The following CADPS2 variants were observed in gnomAD, a reference collection of about 807,000 sequenced individuals.
CADPS2 encodes calcium-dependent secretion activator 2.
CADPS2 carries 93 observed loss-of-function variants against 172.5 expected under a neutral mutation model. The observed-to-expected ratio is 0.54, with a 90% CI of 0.46 to 0.64. The LOEUF (loss-of-function observed/expected upper bound fraction) is 0.64, where lower values mean the gene tolerates loss of function less well. Among genes scored for constraint, CADPS2 ranks in the 30% least tolerant of loss-of-function variants. The probability of loss-of-function intolerance (pLI) is 0.00; values close to 1 mark genes in which losing one functional copy is unlikely to be tolerated. For synonymous variants in CADPS2, 546 were observed against 555.2 expected, an observed-to-expected ratio of 0.98 and a Z score of 0.23; for missense variants, 1,420 against 1,565.9, an observed-to-expected ratio of 0.91 and a Z score of 1.57.
intron 3 of CADPS2, among the ~76,000 whole-genome samples, chr7:122,662,969 T>G (rs2080774414): frequency 6.6e-6 from 1 of 152,190 alleles, no homozygotes; most frequent in South Asian, 2.1e-4. Flanking sequence ...CATTAATACC[T>G]AATAGGCACA....
At chr7:122,630,334 A>T (rs1160497812) in intron 3 of CADPS2, among the ~76,000 whole-genome samples, 1 of 152,100 alleles carries the variant, frequency 6.6e-6, no homozygotes, top group Non-Finnish European at 1.5e-5. Context: ...GAAGCAAACC[A>T]GATTAACAGG....
At chr7:122,692,671 G>T (rs1028143450) in intron 2 of CADPS2, among the ~76,000 whole-genome samples, 2 of 152,228 alleles carry the variant, frequency 1.3e-5, no homozygotes, top group African/African-American at 4.8e-5. Flanking sequence ...CCAACTGTCA[G>T]GTTCATGAGT....
intron 28 of CADPS2, among the ~76,000 whole-genome samples, chr7:122,337,747 C>T (rs935394008): frequency 2.3e-5 from 2 of 87,444 alleles, no homozygotes; most frequent in African/African-American, 8.3e-5. Context: ...TAAAGAGAAA[C>T]AAACTTTAAG....
At chr7:122,758,476 A>G (rs2093256790) in intron 1 of CADPS2, among the ~76,000 whole-genome samples, 1 of 152,210 alleles carries the variant, frequency 6.6e-6, no homozygotes, top group Non-Finnish European at 1.5e-5. Context: ...AAGGCCTCTT[A>G]TATTTGATGT....
At chr7:122,631,722 G>T (rs956989322) in intron 3 of CADPS2, among the ~76,000 whole-genome samples, 1 of 151,892 alleles carries the variant, frequency 6.6e-6, no homozygotes, top group African/African-American at 2.4e-5. Context: ...GATTTGGAGG[G>T]GGTACAGTGT....
At chr7:122,412,232 T>G (rs184357254) in intron 19 of CADPS2, among the ~76,000 whole-genome samples, 1 of 152,306 alleles carries the variant, frequency 6.6e-6, no homozygotes, top group Admixed American at 6.5e-5. Flanking sequence ...ATATCAACAA[T>G]GTGTAATTGA....
chr7:122,843,888 A>G (rs1185072430), intron 1 of CADPS2, among the ~76,000 whole-genome samples: 1 of 152,252 alleles, frequency 6.6e-6, no homozygotes, highest in African/African-American at 2.4e-5. Context: ...GGTGAGGACC[A>G]GCATGCTTAG....
At chr7:122,597,675 G>A (rs181013587) in intron 6 of CADPS2, among the ~76,000 whole-genome samples, 21 of 152,098 alleles carry the variant, frequency 1.4e-4, no homozygotes, top group Non-Finnish European at 3.1e-4. Flanking sequence ...CCATTTGTAC[G>A]TATTTTAAAA....
intron 1 of CADPS2, among the ~76,000 whole-genome samples, chr7:122,817,063 T>C (rs1412552043): frequency 6.6e-6 from 1 of 150,840 alleles, no homozygotes; most frequent in African/African-American, 2.5e-5. Flanking sequence ...CCCACCCATA[T>C]CTCCCTTCGC....
intron 5 of CADPS2, among the ~76,000 whole-genome samples, chr7:122,617,511 A>G (rs1411217758): frequency 6.6e-6 from 1 of 152,196 alleles, no homozygotes; most frequent in East Asian, 1.9e-4. Context: ...CTGATGTCAT[A>G]AGCATAAAAT....
At position 122,320,107 on chromosome 7, in the gene CADPS2, A is replaced by G. The variant is rs2032081207; in HGVS notation, c.*58T>C. 7.2e-7 allele frequency: 1 copy of G among 1,394,040 alleles called. No individual in the cohort carries two copies. The highest frequency in any genetic ancestry group is 2.7e-5 in the Admixed American group (1 of 37,234). The allele number at this position is 1,394,040 out of a possible 1,614,324, so 86.4% of individuals were successfully genotyped here. A position where few individuals can be genotyped will look rare whatever the true frequency, so the allele number is the denominator to read the frequency against. On this transcript the variant is annotated 3_prime_UTR_variant, in exon 30 of 30. Coordinates refer to ENST00000449022, the MANE Select transcript of CADPS2 (RefSeq NM_017954.11). ...GAATGTAATTACAAGGACAAGGTTA[A>G]AAAAATAAAAAACAATGTCGATCAA...
Position 122,741,506 on chromosome 7 carries a change from C to G in CADPS2, c.340-4438G>C, listed in dbSNP as rs562427311. Among the ~76,000 whole-genome samples the G allele has an allele frequency of 2.6e-4, 40 of 152,230 alleles. 1 individual carries two copies. In the South Asian group the frequency reaches 8.1e-3, roughly 31 times the overall value. ...TGAATACCTTAAATCCTATCCTACA[C>G]GGAGACTGGACAGCACACCAATTTT... is the stretch of plus-strand genomic sequence containing the variant. On this transcript the variant is annotated intron_variant, in intron 1 of 29. Transcript: ENST00000449022.
In CADPS2 at chr7:122,415,361, G is replaced by A. The variant is rs148188008; in HGVS notation, c.2580+700C>T. 1.3e-4 allele frequency among the ~76,000 whole-genome samples: 20 copies of A among 152,094 alleles called. No individual in the cohort carries two copies. The East Asian group carries it at 3.5e-3, about 27-fold the overall frequency. ...AGCACGTGATGCAGCATTGTAAGAC[G>A]GGTTTGTGTTCCGTCTTTGCCTCTT... On this transcript the variant is annotated intron_variant, in intron 18 of 29. Coordinates refer to ENST00000449022, the MANE Select transcript of CADPS2 (RefSeq NM_017954.11).
intron 8 of CADPS2, among the ~76,000 whole-genome samples, chr7:122,553,585 T>C (rs1490225622): frequency 2.0e-5 from 3 of 152,148 alleles, no homozygotes; most frequent in African/African-American, 7.2e-5. Context: ...AATGTATACC[T>C]TGGGTTTCCC....
At chr7:122,645,454 T>TTTAA (rs1192834361) in intron 3 of CADPS2, among the ~76,000 whole-genome samples, 4 of 100,342 alleles carry the variant, frequency 4.0e-5, no homozygotes, top group Non-Finnish European at 2.3e-5. Context: ...CACACACATA[T>TTTAA]GTATATATGT....
intron 2 of CADPS2, among the ~76,000 whole-genome samples, chr7:122,672,412 G>T (rs947316878): frequency 2.0e-5 from 3 of 152,146 alleles, no homozygotes; most frequent in African/African-American, 7.2e-5. Context: ...GCTGTCATGG[G>T]AATTCCTTAC....
intron 14 of CADPS2, among the ~76,000 whole-genome samples, chr7:122,466,865 C>T (rs987653725): frequency 1.3e-5 from 2 of 152,114 alleles, no homozygotes; most frequent in African/African-American, 4.8e-5. Context: ...AATACAGATG[C>T]TCTGATTCCT....
rs116930112 is a variant in CADPS2 at position 122,513,370 on chromosome 7, C to G, written c.1476-55G>C. 12,067 of 1,304,012 alleles carry G rather than the reference C, an allele frequency of 9.3e-3. 67 individuals carry two copies. Among genetic ancestry groups the G allele is most frequent in the Non-Finnish European group, 0.011 (10,483 of 928,596 alleles). The allele number at this position is 1,304,012 out of a possible 1,614,324, so 80.8% of individuals were successfully genotyped here. ...CTTCAGATGAATAATGTTGTGCTTC[C>G]ATGTAATCACATTTCTTCCATAGGT... On this transcript the variant is annotated intron_variant, in intron 8 of 29. Coordinates refer to ENST00000449022, the MANE Select transcript of CADPS2 (RefSeq NM_017954.11).
chr7:122,690,184 C>G (rs945986988), intron 2 of CADPS2, among the ~76,000 whole-genome samples: 3 of 152,146 alleles, frequency 2.0e-5, no homozygotes, highest in African/African-American at 7.2e-5. Context: ...GGATACTAAC[C>G]AGGGTAAATC....
Sources: gnomAD v4.1 joint callset for allele counts (sites outside exome capture counted in the v4.1 genomes callset) on GRCh38, gnomAD v4.1.1 for gene constraint, MANE v1.5 for transcripts, NCBI Gene and HGNC (gene_info 2026-07-23, HGNC 2026-07-21) for gene names.